Variants in TDP1 observed in about 807,000 individuals in gnomAD.
The protein encoded by TDP1 is tyr-DNA phosphodiesterase 1.
A neutral mutation model predicts 81.5 loss-of-function variants in TDP1; 64 were observed. That is an observed-to-expected ratio of 0.79 (90% confidence interval 0.64 to 0.97). TDP1 has a LOEUF of 0.97. TDP1 is among the 50% of genes least tolerant of loss of function. The pLI is 0.00. For synonymous variants in TDP1, 256 were observed against 264.3 expected, an observed-to-expected ratio of 0.97 and a Z score of 0.30; for missense variants, 723 against 743.8, an observed-to-expected ratio of 0.97 and a Z score of 0.33.
chr14:89,963,620 C>G lies in TDP1; in HGVS notation c.506C>G (p.Thr169Ser), dbSNP rs1892595270. ...DKGNPFQFYL[T>S]RVSGVKPKYN... ...GGGAACCCCTTCCAGTTTTACCTCA[C>G]TAGAGTCTCTGGAGTTAAGCCAAAG... The change falls in exon 3 of 17, where the codon ACT becomes AGT. Residue 169 changes from threonine to serine, a missense_variant. Thr to Ser is a moderately conservative substitution (Grantham distance 58, BLOSUM62 1). Coordinates refer to ENST00000335725, the MANE Select transcript of TDP1 (RefSeq NM_018319.4). The G allele has an allele frequency of 1.2e-6, 2 of 1,614,128 alleles. No individual in the cohort carries two copies. Among genetic ancestry groups the G allele is most frequent in the Non-Finnish European group, 1.7e-6 (2 of 1,179,998 alleles).
chr14:90,007,969 C>T (rs1427791945), intron 14 of TDP1, among the ~76,000 whole-genome samples: 1 of 152,150 alleles, frequency 6.6e-6, no homozygotes, highest in Non-Finnish European at 1.5e-5. Flanking sequence ...AAGTTGCCAT[C>T]TAATTGTTGC....
Position 89,958,674 on chromosome 14 carries a change from A to G in TDP1, c.-8+1874A>G, listed in dbSNP as rs74244545. Among the ~76,000 whole-genome samples, 78 of 152,324 alleles carry G rather than the reference A, an allele frequency of 5.1e-4. No homozygotes were observed. In the East Asian group the frequency reaches 0.015, roughly 29 times the overall value. ...GAAGGGTGGGGATTGATCAGAGGAA[A>G]GTGTGCCAAGTGGGAAGAGGGGTTA... On this transcript the variant is annotated intron_variant, in intron 2 of 16. Transcript: ENST00000335725.
chr14:90,037,777 A>G (rs1036508118), intron 16 of TDP1, among the ~76,000 whole-genome samples: 4 of 152,222 alleles, frequency 2.6e-5, no homozygotes, highest in African/African-American at 9.7e-5. Context: ...AGCAGTTAAC[A>G]TTGATCCAAA....
At position 89,963,477 on chromosome 14, in the gene TDP1, C is replaced by T. The variant is rs138412157; in HGVS notation, c.363C>T (p.Asp121=). Residue 121 remains aspartate, a synonymous_variant, in exon 3 of 17, where the codon GAC becomes GAT. Transcript: ENST00000335725. ...KKEKDISAPN[D]GTAQRTENHG... is the part of the protein sequence containing the mutation. Reference sequence around the variant, plus strand: ...AGAAAGACATCTCTGCTCCCAATGACGGCACTGCCCAAAGAACTGAAAATC... The same window carrying T: ...AGAAAGACATCTCTGCTCCCAATGATGGCACTGCCCAAAGAACTGAAAATC... 24 of 1,608,742 alleles carry T rather than the reference C, an allele frequency of 1.5e-5. No individual in the cohort carries two copies. The highest frequency in any genetic ancestry group is 1.3e-4 in the African/African-American group (10 of 74,710).
At chr14:90,039,895 G>A (rs1888194906) in intron 16 of TDP1, among the ~76,000 whole-genome samples, 1 of 152,128 alleles carries the variant, frequency 6.6e-6, no homozygotes, top group Admixed American at 6.6e-5. Flanking sequence ...TTCCAGATGA[G>A]GAATCTAGGG....
intron 15 of TDP1, chr14:90,022,735 G>A: frequency 1.0e-6 from 1 of 985,228 alleles, no homozygotes; most frequent in Non-Finnish European, 1.2e-6. Flanking sequence ...GATATGTGAA[G>A]CTTCTGGAAA....
At chr14:90,019,494 C>T (rs1459936380) in intron 15 of TDP1, 76 bp downstream of exon 15, 1 of 828,236 alleles carries the variant, frequency 1.2e-6, no homozygotes, top group African/African-American at 1.7e-5. Flanking sequence ...CCTTTAGTCA[C>T]AACAGCTTGC....
At chr14:89,975,715 G>T in intron 6 of TDP1, 66 bp from the exon 7 acceptor site, 1 of 1,345,976 alleles carries the variant, frequency 7.4e-7, no homozygotes, top group Non-Finnish European at 1.1e-6. Flanking sequence ...GCTTTCTAAT[G>T]TAATTTCCAG....
chr14:89,985,883 C>T lies in TDP1; in HGVS notation c.1131+673C>T, dbSNP rs545102954. ...CTCTACTAAAAATACAAAAATTAGC[C>T]GGGCATGATGGCAGGCACCTGTAAT... On this transcript the variant is annotated intron_variant, in intron 10 of 16. Coordinates refer to ENST00000335725, the MANE Select transcript of TDP1 (RefSeq NM_018319.4). 3.9e-5 allele frequency among the ~76,000 whole-genome samples: 6 copies of T among 152,164 alleles called. No individual in the cohort carries two copies. The South Asian group carries it at 6.2e-4, about 16-fold the overall frequency.
At chr14:89,966,870 A>G in intron 4 of TDP1, 1 of 474,770 alleles carries the variant, frequency 2.1e-6, no homozygotes, top group Non-Finnish European at 2.8e-6. Context: ...CTTGCATTTA[A>G]GATGTAATTG....
intron 14 of TDP1, among the ~76,000 whole-genome samples, chr14:90,008,429 C>T (rs1184268908): frequency 1.3e-5 from 2 of 152,112 alleles, no homozygotes; most frequent in African/African-American, 2.4e-5. Flanking sequence ...CCATATGTTT[C>T]ATGGTTTAGA....
chr14:90,032,485 CG>C (rs1566928534), intron 15 of TDP1, among the ~76,000 whole-genome samples: 1 of 152,034 alleles, frequency 6.6e-6, no homozygotes, highest in East Asian at 1.9e-4. Context: ...ACCTGCACTG[CG>C]GCAGGCCTTG....
chr14:90,020,364 C>CCCTCCCTCCT (rs1566915244), intron 15 of TDP1, among the ~76,000 whole-genome samples: 24 of 142,706 alleles, frequency 1.7e-4, no homozygotes, highest in African/African-American at 5.4e-4. Context: ...TCCTCCCTCC[C>CCCTCCCTCCT]TCCCTCCCTC....
At chr14:89,979,141 A>G (rs953321042) in intron 7 of TDP1, among the ~76,000 whole-genome samples, 7 of 152,190 alleles carry the variant, frequency 4.6e-5, no homozygotes, top group Admixed American at 4.6e-4. Context: ...AGTTACAGCC[A>G]TGAGAAGTGA....
chr14:90,014,314 T>C (rs1048081893), intron 14 of TDP1, among the ~76,000 whole-genome samples: 1 of 152,236 alleles, frequency 6.6e-6, no homozygotes, highest in Non-Finnish European at 1.5e-5. Flanking sequence ...TTGTGAAATG[T>C]CTTTTCAATC....
intron 16 of TDP1, among the ~76,000 whole-genome samples, chr14:90,039,709 G>A (rs1888173881): frequency 2.0e-5 from 3 of 151,644 alleles, no homozygotes; most frequent in Admixed American, 2.0e-4. Flanking sequence ...GACCTACATA[G>A]TACATAGGGT....
intron 4 of TDP1, 104 bp from the exon 5 acceptor site, chr14:89,967,263 C>T: frequency 7.5e-7 from 1 of 1,328,888 alleles, no homozygotes. Context: ...TGTAGTGTAT[C>T]ACTATTTTAG....
chr14:89,964,629 G>A (rs572880078), intron 3 of TDP1, among the ~76,000 whole-genome samples: 1 of 152,156 alleles, frequency 6.6e-6, no homozygotes, highest in South Asian at 2.1e-4. Flanking sequence ...TATACATGTT[G>A]GAGTATTTCA....
At chr14:90,003,454 C>T (rs1446029485) in intron 14 of TDP1, among the ~76,000 whole-genome samples, 2 of 152,094 alleles carry the variant, frequency 1.3e-5, no homozygotes, top group East Asian at 1.9e-4. Context: ...TTGATCCTAC[C>T]GTAAAATCAT....
Sources: gnomAD v4.1 joint callset for allele counts (sites outside exome capture counted in the v4.1 genomes callset) on GRCh38, gnomAD v4.1.1 for gene constraint, MANE v1.5 for transcripts, NCBI Gene and HGNC (gene_info 2026-07-23, HGNC 2026-07-21) for gene names.